KCNMB2: variants seen among roughly 807,000 people sequenced by gnomAD.
The protein encoded by KCNMB2 is potassium calcium-activated channel subfamily M regulatory beta subunit 2.
Under a neutral mutation model 24.5 loss-of-function variants are expected in KCNMB2, and 9 were observed. The observed-to-expected ratio is 0.37, with a 90% CI of 0.22 to 0.64. The LOEUF is 0.64. Among genes scored for constraint, KCNMB2 ranks in the 30% least tolerant of loss-of-function variants. The pLI is 0.63. For synonymous variants in KCNMB2, 109 were observed against 104.4 expected (o/e 1.04, Z -0.27); for missense variants, 226 against 284.3 (o/e 0.79, Z 1.47).
At chr3:178,802,705 T>C (rs989947559) in intron 1 of KCNMB2, among the ~76,000 whole-genome samples, 1 of 152,172 alleles carries the variant, frequency 6.6e-6, no homozygotes, top group Non-Finnish European at 1.5e-5. Context: ...CAGTATTTTT[T>C]AAAATTCTTC....
At chr3:178,660,603 G>A (rs908275301) in intron 1 of KCNMB2, among the ~76,000 whole-genome samples, 4 of 152,138 alleles carry the variant, frequency 2.6e-5, no homozygotes, top group African/African-American at 9.7e-5. Context: ...TCTACTCTGT[G>A]GCAGGTTATA....
At chr3:178,550,851 G>A (rs1162603957) in intron 1 of KCNMB2, among the ~76,000 whole-genome samples, 3 of 152,146 alleles carry the variant, frequency 2.0e-5, no homozygotes, top group Non-Finnish European at 4.4e-5. Flanking sequence ...TGTATGCCAC[G>A]TGGCTAGCAC....
intron 1 of KCNMB2, among the ~76,000 whole-genome samples, chr3:178,778,189 CAAG>C (rs2108428138): frequency 2.0e-5 from 3 of 152,206 alleles, no homozygotes; most frequent in South Asian, 4.1e-4. Context: ...GTATCAGTTT[CAAG>C]AAGGTGAAAA....
intron 1 of KCNMB2, among the ~76,000 whole-genome samples, chr3:178,737,445 T>G (rs1317102667): frequency 6.6e-6 from 1 of 152,228 alleles, no homozygotes; most frequent in African/African-American, 2.4e-5. Context: ...GGTCTCAAAC[T>G]TCGTCCTTAT....
chr3:178,751,088 T>C (rs914757711), intron 1 of KCNMB2, among the ~76,000 whole-genome samples: 1 of 152,154 alleles, frequency 6.6e-6, no homozygotes, highest in Non-Finnish European at 1.5e-5. Flanking sequence ...TTTTTTTGCC[T>C]ACCAGGAGCA....
intron 1 of KCNMB2, among the ~76,000 whole-genome samples, chr3:178,580,184 TG>T (rs1338679369): frequency 6.6e-6 from 1 of 152,250 alleles, no homozygotes; most frequent in East Asian, 1.9e-4. Context: ...ACAATCCAGT[TG>T]GCTTCATCCC....
chr3:178,585,373 T>C (rs1465305974), intron 1 of KCNMB2, among the ~76,000 whole-genome samples: 1 of 152,204 alleles, frequency 6.6e-6, no homozygotes, highest in Admixed American at 6.5e-5. Flanking sequence ...TTCATTTAAG[T>C]CCAAGTTATT....
intron 1 of KCNMB2, among the ~76,000 whole-genome samples, chr3:178,570,306 T>A (rs1232562695): frequency 5.3e-5 from 8 of 152,252 alleles, no homozygotes; most frequent in African/African-American, 1.4e-4. Context: ...TACATTTTTT[T>A]AAATCATTCA....
chr3:178,827,787 A>C (rs939406152), intron 3 of KCNMB2, among the ~76,000 whole-genome samples: 1 of 152,212 alleles, frequency 6.6e-6, no homozygotes, highest in African/African-American at 2.4e-5. Flanking sequence ...CAGAAAGTAC[A>C]AAGTAAAACA....
chr3:178,566,441 C>T (rs1716523124), intron 1 of KCNMB2, among the ~76,000 whole-genome samples: 1 of 152,160 alleles, frequency 6.6e-6, no homozygotes, highest in South Asian at 2.1e-4. Flanking sequence ...TGTGCACACA[C>T]ACATACACAC....
At chr3:178,557,220 T>G (rs937623328) in intron 1 of KCNMB2, among the ~76,000 whole-genome samples, 9 of 152,186 alleles carry the variant, frequency 5.9e-5, no homozygotes, top group Non-Finnish European at 1.0e-4. Flanking sequence ...GATTCAAATC[T>G]GTATCTAGGT....
rs767171556 is a variant in KCNMB2, at chr3:178,828,187, C to T, written c.237C>T (p.Thr79=). ...LLRSYMQSVW[T]EESQCTLLNA... ...ACCCCTTTCTCTGCAGCGTGTGGAC[C>T]GAAGAGTCTCAATGCACCTTGCTGA... The change falls in exon 4 of 5, where the codon ACC becomes ACT. Residue 79 remains threonine, a synonymous_variant. Transcript: ENST00000452583. 3.1e-6 allele frequency: 5 copies of T among 1,613,016 alleles called. No individual in the cohort carries two copies. Among genetic ancestry groups the T allele is most frequent in the Middle Eastern group, 1.7e-4 (1 of 6,056 alleles).
At chr3:178,586,052 C>A (rs1018977455) in intron 1 of KCNMB2, among the ~76,000 whole-genome samples, 1 of 152,174 alleles carries the variant, frequency 6.6e-6, no homozygotes, top group African/African-American at 2.4e-5. Flanking sequence ...GGTGCAGAAA[C>A]AGCCACTGCT....
intron 1 of KCNMB2, among the ~76,000 whole-genome samples, chr3:178,742,855 A>T (rs1723540668): frequency 6.6e-6 from 1 of 152,124 alleles, no homozygotes. Flanking sequence ...CTGTGTGTAC[A>T]CTGGCCAATA....
chr3:178,705,912 T>C (rs535366696), intron 1 of KCNMB2, among the ~76,000 whole-genome samples: 1 of 152,144 alleles, frequency 6.6e-6, no homozygotes, highest in South Asian at 2.1e-4. Context: ...CATAGAAACA[T>C]AGACATAGAA....
rs1240258181 is a variant in KCNMB2 at position 178,758,241 on chromosome 3, G to GAT, written c.-67-49089_-67-49088dup. Among the ~76,000 whole-genome samples the GAT allele has an allele frequency of 5.2e-3, 23 of 4,420 alleles. 3 individuals are homozygous for GAT. Among genetic ancestry groups the GAT allele is most frequent in the Non-Finnish European group, 7.7e-3 (21 of 2,718 alleles). 2.9% of individuals were successfully genotyped at this position (4,420 alleles called of 152,430 possible). A position where few individuals can be genotyped will look rare whatever the true frequency, so the allele number is the denominator to read the frequency against. ...ATATATATATATATATATCCAAGGG[G>GAT]ATATATATATATATCTCCAAGGGGA... On this transcript the variant is annotated intron_variant, in intron 1 of 4. Coordinates refer to ENST00000452583, the MANE Select transcript of KCNMB2 (RefSeq NM_181361.3).
At chr3:178,671,667 A>C (rs757862022) in intron 1 of KCNMB2, among the ~76,000 whole-genome samples, 1 of 152,166 alleles carries the variant, frequency 6.6e-6, no homozygotes. Flanking sequence ...ATTGCATTAG[A>C]CAGCGTGCAT....
Position 178,653,813 on chromosome 3 carries a change from ACATCTGCAC to A in KCNMB2, c.-68+117105_-68+117113del, listed in dbSNP as rs530513098. Among the ~76,000 whole-genome samples, 209 of 152,278 alleles carry A rather than the reference ACATCTGCAC, an allele frequency of 1.4e-3. 1 individual carries two copies. The highest frequency in any genetic ancestry group is 2.6e-3 in the Non-Finnish European group (176 of 68,012). ...TTGGCTAGCTGAGATTTTACTTGCA[ACATCTGCAC>A]CAATAACCATCATTGAAATTGGCCT... On this transcript the variant is annotated intron_variant, in intron 1 of 4. Coordinates refer to ENST00000452583, the MANE Select transcript of KCNMB2 (RefSeq NM_181361.3).
At position 178,843,174 on chromosome 3, in the gene KCNMB2, G is replaced by A; in HGVS notation, c.*237G>A. On this transcript the variant is annotated 3_prime_UTR_variant, in exon 5 of 5. Coordinates refer to ENST00000452583, the MANE Select transcript of KCNMB2 (RefSeq NM_181361.3). ...GTTTTCATAATCTTATTTCTGTACT[G>A]GAACTAGTACTTTCTTCTCTCATTC... The A allele has an allele frequency of 3.4e-6, 2 of 596,078 alleles. No homozygotes were observed. Among genetic ancestry groups the A allele is most frequent in the Non-Finnish European group, 6.3e-6 (2 of 318,038 alleles). The allele number at this position is 596,078 out of a possible 1,614,324, so 36.9% of individuals were successfully genotyped here. A position where few individuals can be genotyped will look rare whatever the true frequency, so the allele number is the denominator to read the frequency against.
Sources: allele counts gnomAD v4.1 joint callset (sites outside exome capture counted in the v4.1 genomes callset), GRCh38; gene constraint gnomAD v4.1.1; transcripts MANE v1.5; gene names NCBI Gene and HGNC (gene_info 2026-07-23, HGNC 2026-07-21).